CEP192: variants seen among roughly 807,000 people sequenced by gnomAD.
CEP192 encodes the protein centrosomal protein of 192 kDa.
CEP192 carries 151 observed loss-of-function variants against 271.8 expected under a neutral mutation model. The observed-to-expected ratio is 0.56, with a 90% CI of 0.49 to 0.64. The LOEUF (loss-of-function observed/expected upper bound fraction) is 0.64. CEP192 is among the 30% of genes least tolerant of loss of function. CEP192 has a pLI of 0.00. For missense variants in CEP192, 2,910 were observed against 3,020.5 expected, an observed-to-expected ratio of 0.96 and a Z score of 0.86; for synonymous variants, 995 against 1,076.5, an observed-to-expected ratio of 0.92 and a Z score of 1.48.
At chr18:13,118,747 A>T (rs2040540174) in intron 44 of CEP192, among the ~76,000 whole-genome samples, 1 of 152,220 alleles carries the variant, frequency 6.6e-6, no homozygotes, top group Non-Finnish European at 1.5e-5. Flanking sequence ...AATTGTGAGG[A>T]ATGTAAGAGA....
intron 19 of CEP192, among the ~76,000 whole-genome samples, 172 bp downstream of exon 19, chr18:13,056,870 T>C (rs1186557202): frequency 6.6e-6 from 1 of 152,246 alleles, no homozygotes; most frequent in East Asian, 1.9e-4. Context: ...AAAGTTGGCT[T>C]AGAAAAACGC....
intron 3 of CEP192, 57 bp downstream of exon 3, chr18:13,001,639 T>C: frequency 7.0e-7 from 1 of 1,425,302 alleles, no homozygotes; most frequent in Admixed American, 2.7e-5. Context: ...TACGCAGTCT[T>C]GTGGAAAATG....
intron 9 of CEP192, among the ~76,000 whole-genome samples, chr18:13,021,528 G>A (rs2034994775): frequency 6.6e-6 from 1 of 152,152 alleles, no homozygotes; most frequent in Non-Finnish European, 1.5e-5. Context: ...GTAGGACATT[G>A]GGAAGTGTTA....
chr18:13,096,036 C>A, intron 35 of CEP192, 148 bp from the exon 36 acceptor site: 1 of 819,458 alleles, frequency 1.2e-6, no homozygotes, highest in Non-Finnish European at 1.9e-6. Flanking sequence ...TGTTTACTAC[C>A]AAGGATTGGA....
intron 30 of CEP192, among the ~76,000 whole-genome samples, chr18:13,084,037 C>T (rs1340811861): frequency 6.6e-6 from 1 of 152,128 alleles, no homozygotes; most frequent in Non-Finnish European, 1.5e-5. Flanking sequence ...GTCATTCGGC[C>T]CCTGCTGGGA....
At chr18:13,060,315 T>C (rs112231603) in intron 21 of CEP192, among the ~76,000 whole-genome samples, 1 of 152,234 alleles carries the variant, frequency 6.6e-6, no homozygotes, top group African/African-American at 2.4e-5. Flanking sequence ...ATAGAAAAGG[T>C]ACAGAAAAAA....
chr18:13,060,142 G>C (rs2037330313), intron 21 of CEP192, among the ~76,000 whole-genome samples: 1 of 152,166 alleles, frequency 6.6e-6, no homozygotes, highest in Non-Finnish European at 1.5e-5. Context: ...ATATCACGGA[G>C]TGTACTTACA....
intron 3 of CEP192, among the ~76,000 whole-genome samples, chr18:13,007,858 T>G (rs1460898767): frequency 2.0e-5 from 3 of 152,228 alleles, no homozygotes; most frequent in African/African-American, 7.2e-5. Flanking sequence ...TGTAATGAAT[T>G]TGTTGCATTT....
At chr18:13,120,008 T>C (rs2040593569) in intron 44 of CEP192, among the ~76,000 whole-genome samples, 1 of 152,360 alleles carries the variant, frequency 6.6e-6, no homozygotes, top group South Asian at 2.1e-4. Context: ...CTTTCATTAT[T>C]GAATACGTTG....
Position 13,100,297 on chromosome 18 carries a change from C to A in CEP192, c.6664-8C>A, listed in dbSNP as rs541876807. On this transcript the variant is annotated splice_region_variant and splice_polypyrimidine_tract_variant and intron_variant, in intron 37 of 44. Transcript: ENST00000506447. ...TTGTAGCTTATCCCTTTATTTGGCTCATTTCAGAAAATTGTGAAAGTTCAA... is the reference window on the plus strand; with the variant it reads ...TTGTAGCTTATCCCTTTATTTGGCTAATTTCAGAAAATTGTGAAAGTTCAA... 5.0e-6 allele frequency: 8 copies of A among 1,607,914 alleles called. No individual in the cohort carries two copies. Among genetic ancestry groups the A allele is most frequent in the Non-Finnish European group, 5.1e-6 (6 of 1,174,492 alleles).
At chr18:13,023,390 C>A (rs776529647) in intron 9 of CEP192, among the ~76,000 whole-genome samples, 2 of 151,120 alleles carry the variant, frequency 1.3e-5, no homozygotes, top group Non-Finnish European at 2.9e-5. Flanking sequence ...GGTTTTTTAA[C>A]TTATTTTATT....
In CEP192 at chr18:13,049,929, G is replaced by A. The variant is rs113317051; in HGVS notation, c.3017+38G>A. On this transcript the variant is annotated intron_variant, in intron 17 of 44. Transcript: ENST00000506447. The stretch of plus-strand genomic sequence containing the variant: ...CTTCTTTTTTAAAAAATAAAAATAT[G>A]CGTTCAGTATAGGAACTGGGAAAAA... 2,029 of 1,558,318 alleles carry A rather than the reference G, an allele frequency of 1.3e-3. 8 individuals are homozygous for A. Among genetic ancestry groups the A allele is most frequent in the Middle Eastern group, 0.012 (71 of 5,910 alleles).
chr18:13,098,548 C>T (rs1231667798), intron 36 of CEP192, among the ~76,000 whole-genome samples: 5 of 150,564 alleles, frequency 3.3e-5, no homozygotes, highest in South Asian at 2.1e-4. Flanking sequence ...GACTGGGCGG[C>T]GGGGCAGAGG....
In CEP192 at chr18:13,069,799, A is replaced by C; in HGVS notation, c.5117A>C (p.Glu1706Ala). 6.2e-7 allele frequency: 1 copy of C among 1,606,244 alleles called. No homozygotes were observed. The highest frequency in any genetic ancestry group is 8.5e-7 in the Non-Finnish European group (1 of 1,173,104). Residue 1706 changes from glutamate to alanine, a missense_variant, in exon 27 of 45, where the codon GAA (glutamate) becomes GCA (alanine). By Grantham distance (107) the Glu-to-Ala change is moderately radical. Transcript: ENST00000506447. ...AAGAATCTACTCCTTAAACCTGGAG[A>C]AGAACATGAGGTTATTGTTTCATTT... The part of the protein sequence containing the change: ...DPKNLLLKPG[E>A]EHEVIVSFTP...
intron 11 of CEP192, among the ~76,000 whole-genome samples, chr18:13,036,804 G>T (rs1364995564): frequency 1.3e-5 from 2 of 152,222 alleles, no homozygotes; most frequent in African/African-American, 2.4e-5. Flanking sequence ...CCGGACCGGG[G>T]TTTCCTGGGA....
At chr18:13,009,326 G>T (rs1241546459) in intron 4 of CEP192, among the ~76,000 whole-genome samples, 1 of 151,984 alleles carries the variant, frequency 6.6e-6, no homozygotes, top group Non-Finnish European at 1.5e-5. Flanking sequence ...CTGTCGGATG[G>T]CCACAGCATA....
At chr18:13,026,281 T>C (rs1296690316) in intron 9 of CEP192, among the ~76,000 whole-genome samples, 3 of 152,158 alleles carry the variant, frequency 2.0e-5, no homozygotes, top group Admixed American at 1.3e-4. Flanking sequence ...TTCTTTAGGA[T>C]TTTTTCTTTA....
At chr18:13,087,447 T>G in intron 31 of CEP192, 84 bp from the exon 32 acceptor site, 1 of 939,852 alleles carries the variant, frequency 1.1e-6, no homozygotes, top group Non-Finnish European at 1.6e-6. Flanking sequence ...TGTCGAATTT[T>G]TAGGCTCGTA....
At chr18:13,002,690 A>G (rs2033727443) in intron 3 of CEP192, among the ~76,000 whole-genome samples, 1 of 152,198 alleles carries the variant, frequency 6.6e-6, no homozygotes, top group South Asian at 2.1e-4. Context: ...AGGTAAAAAT[A>G]ATTTATATAA....
Sources: allele counts gnomAD v4.1 joint callset (sites outside exome capture counted in the v4.1 genomes callset), GRCh38; gene constraint gnomAD v4.1.1; transcripts MANE v1.5; gene names NCBI Gene and HGNC (gene_info 2026-07-23, HGNC 2026-07-21).